Variants in PHF21A observed in about 807,000 individuals in gnomAD.
PHF21A encodes BHC80a.
Under a neutral mutation model 82.5 loss-of-function variants are expected in PHF21A, and 11 were observed. That is an observed-to-expected ratio of 0.13 (90% confidence interval 0.08 to 0.22). The LOEUF (loss-of-function observed/expected upper bound fraction) is 0.22. PHF21A is among the 10% of genes least tolerant of loss of function. The pLI is 1.00. For synonymous variants in PHF21A, 297 were observed against 302.8 expected, an observed-to-expected ratio of 0.98 and a Z score of 0.20; for missense variants, 579 against 837.8, an observed-to-expected ratio of 0.69 and a Z score of 3.81.
intron 2 of PHF21A, among the ~76,000 whole-genome samples, chr11:46,090,868 G>C (rs573369554): frequency 1.6e-4 from 24 of 151,934 alleles, no homozygotes; most frequent in Non-Finnish European, 3.1e-4. Flanking sequence ...AAGCTTGTGG[G>C]AGTTATTTAT....
intron 6 of PHF21A, among the ~76,000 whole-genome samples, chr11:46,053,223 T>TA (rs2096397172): frequency 6.6e-6 from 1 of 152,196 alleles, no homozygotes; most frequent in South Asian, 2.1e-4. Context: ...GATAGCAGAA[T>TA]AAAACACTTT....
intron 7 of PHF21A, among the ~76,000 whole-genome samples, chr11:45,971,977 C>T (rs1203102393): frequency 6.8e-6 from 1 of 146,038 alleles, no homozygotes; most frequent in African/African-American, 2.5e-5. Flanking sequence ...GGTAGTTACC[C>T]TGGAGGCAAT....
At position 45,997,742 on chromosome 11, in the gene PHF21A, T is replaced by C. The variant is rs565655752; in HGVS notation, c.154-17776A>G. On this transcript the variant is annotated intron_variant, in intron 6 of 18. Coordinates refer to ENST00000676320, the MANE Select transcript of PHF21A (RefSeq NM_001352027.3). ...TGTTCTGACTCATTGTTGGGCCATC[T>C]GTTTATGTGTGCTGCTTGTCTCACG... 1.6e-4 allele frequency among the ~76,000 whole-genome samples: 25 copies of C among 152,342 alleles called. No homozygotes were observed. The South Asian group carries it at 4.6e-3, about 28-fold the overall frequency.
In PHF21A at chr11:45,950,254, G is replaced by T; in HGVS notation, c.1099C>A (p.Leu367Ile). The T allele has an allele frequency of 6.2e-7, 1 of 1,608,864 alleles. No individual in the cohort carries two copies. ...KPKREENPQK[L>I]AFMVSLGLVT... ...AACCCTAGAGACACCATGAAGGCAA[G>T]TTTCTGTGCCAGAGAAACAAAAGAA... Residue 367 changes from leucine to isoleucine, a missense_variant, in exon 12 of 19, where the codon CTT becomes ATT. By Grantham distance (5) the Leu-to-Ile change is conservative (BLOSUM62 2). Around this residue, in one of 3 missense-constraint regions of PHF21A, gnomAD observed 410 missense variants for 642.1 expected, o/e 0.64. Transcript: ENST00000676320.
At chr11:45,997,349 C>T (rs776193825) in intron 6 of PHF21A, among the ~76,000 whole-genome samples, 10 of 152,096 alleles carry the variant, frequency 6.6e-5, no homozygotes, top group Non-Finnish European at 1.3e-4. Context: ...CAGAAGTGTA[C>T]TTGCAAATAA....
intron 6 of PHF21A, among the ~76,000 whole-genome samples, chr11:46,001,409 C>T (rs370261903): frequency 6.6e-6 from 1 of 151,186 alleles, no homozygotes; most frequent in African/African-American, 2.4e-5. Flanking sequence ...AGCCAATGCA[C>T]CTGTAGATTC....
intron 10 of PHF21A, among the ~76,000 whole-genome samples, chr11:45,960,780 T>G (rs181205426): frequency 6.6e-6 from 1 of 152,368 alleles, no homozygotes; most frequent in Non-Finnish European, 1.5e-5. Context: ...TCTGAGATTA[T>G]AAACCATGAT....
At chr11:46,094,226 T>C (rs142022508) in intron 1 of PHF21A, among the ~76,000 whole-genome samples, 2 of 152,322 alleles carry the variant, frequency 1.3e-5, no homozygotes, top group African/African-American at 4.8e-5. Flanking sequence ...TCCAAGGCAT[T>C]TTCTCCAAAA....
chr11:46,061,359 G>A (rs565457855), intron 6 of PHF21A, among the ~76,000 whole-genome samples: 8 of 152,216 alleles, frequency 5.3e-5, no homozygotes, highest in African/African-American at 1.2e-4. Context: ...CTCAATGGTC[G>A]TTTAATAGGA....
At chr11:46,068,297 A>G (rs2096618088) in intron 6 of PHF21A, among the ~76,000 whole-genome samples, 1 of 152,130 alleles carries the variant, frequency 6.6e-6, no homozygotes, top group African/African-American at 2.4e-5. Context: ...GATGAATCAG[A>G]CTCTGAATGA....
chr11:45,979,634 A>C lies in PHF21A; in HGVS notation c.360+126T>G, dbSNP rs1023853809. ...TATCTGGGTTATACTGTAAAAAAGC[A>C]ATCAAAATAACTTTTGTTTAGTTCT... is the stretch of plus-strand genomic sequence containing the variant. On this transcript the variant is annotated intron_variant, in intron 7 of 18. Coordinates refer to ENST00000676320, the MANE Select transcript of PHF21A (RefSeq NM_001352027.3). 1.1e-5 allele frequency: 15 copies of C among 1,340,756 alleles called. No individual in the cohort carries two copies. In the East Asian group the frequency reaches 3.5e-4, roughly 31 times the overall value. 83.1% of individuals were successfully genotyped at this position (1,340,756 alleles called of 1,614,324 possible).
At chr11:46,110,929 G>A (rs1253753860) in intron 1 of PHF21A, among the ~76,000 whole-genome samples, 1 of 151,770 alleles carries the variant, frequency 6.6e-6, no homozygotes, top group Non-Finnish European at 1.5e-5. Flanking sequence ...GGGATTACAG[G>A]CACCTGCCAC....
In PHF21A at chr11:46,015,679, A is replaced by G. The variant is rs1203669300; in HGVS notation, c.154-35713T>C. 3.3e-5 allele frequency among the ~76,000 whole-genome samples: 5 copies of G among 152,142 alleles called. No individual in the cohort carries two copies. In the East Asian group the frequency reaches 9.6e-4, roughly 29 times the overall value. ...TTAAATTTTTTGTAACTTTTTAAGCATTTTAATTAAAAACAAAGACACAAA... is the reference window on the plus strand; with the variant it reads ...TTAAATTTTTTGTAACTTTTTAAGCGTTTTAATTAAAAACAAAGACACAAA... On this transcript the variant is annotated intron_variant, in intron 6 of 18. Coordinates refer to ENST00000676320, the MANE Select transcript of PHF21A (RefSeq NM_001352027.3).
chr11:45,994,042 G>A (rs183259824), intron 6 of PHF21A, among the ~76,000 whole-genome samples: 1 of 152,210 alleles, frequency 6.6e-6, no homozygotes, highest in East Asian at 1.9e-4. Context: ...AGCTGAGCAG[G>A]GATAAATGCT....
chr11:46,011,590 G>A (rs915157296), intron 6 of PHF21A, among the ~76,000 whole-genome samples: 17 of 152,156 alleles, frequency 1.1e-4, no homozygotes, highest in Non-Finnish European at 2.2e-4. Context: ...TTCAAGACAT[G>A]TCCCACTTGG....
chr11:46,023,940 G>A (rs370729723), intron 6 of PHF21A, among the ~76,000 whole-genome samples: 80 of 152,214 alleles, frequency 5.3e-4, no homozygotes, highest in East Asian at 4.1e-3. Flanking sequence ...TGGGCGACAC[G>A]GCAAGACACC....
At chr11:46,082,715 A>C (rs1291092835) in intron 4 of PHF21A, among the ~76,000 whole-genome samples, 1 of 152,170 alleles carries the variant, frequency 6.6e-6, no homozygotes, top group Non-Finnish European at 1.5e-5. Context: ...AATATTAAGT[A>C]TTTTCATAAT....
chr11:45,998,264 A>C (rs949100757), intron 6 of PHF21A, among the ~76,000 whole-genome samples: 3 of 152,198 alleles, frequency 2.0e-5, no homozygotes, highest in African/African-American at 7.2e-5. Flanking sequence ...GTCATCCACA[A>C]ATATCAATTT....
intron 6 of PHF21A, among the ~76,000 whole-genome samples, chr11:46,036,646 A>C (rs896209350): frequency 3.3e-5 from 5 of 152,128 alleles, no homozygotes; most frequent in African/African-American, 1.2e-4. Flanking sequence ...TAGCTTTTAA[A>C]AGGTTTCTTG....
Sources: allele counts gnomAD v4.1 joint callset (sites outside exome capture counted in the v4.1 genomes callset), GRCh38; gene constraint gnomAD v4.1.1; regional missense constraint gnomAD v4.1.1; transcripts MANE v1.5; gene names NCBI Gene and HGNC (gene_info 2026-07-23, HGNC 2026-07-21).